Variants in FSTL4 observed in about 807,000 individuals in gnomAD.
FSTL4 encodes follistatin like 4, also known as follistatin-related protein 4.
Under a neutral mutation model 78.2 loss-of-function variants are expected in FSTL4, and 28 were observed. The observed-to-expected ratio is 0.36, with a 90% CI of 0.27 to 0.49. The LOEUF (loss-of-function observed/expected upper bound fraction) is 0.49. Among genes scored for constraint, FSTL4 ranks in the 20% least tolerant of loss-of-function variants. FSTL4 has a pLI of 0.98. For missense variants in FSTL4, 922 were observed against 1,084.9 expected, an observed-to-expected ratio of 0.85 and a Z score of 2.11; for synonymous variants, 422 against 440.5, an observed-to-expected ratio of 0.96 and a Z score of 0.53.
chr5:133,560,248 A>T (rs1054322579), intron 3 of FSTL4, among the ~76,000 whole-genome samples: 1 of 152,224 alleles, frequency 6.6e-6, no homozygotes, highest in Non-Finnish European at 1.5e-5. Flanking sequence ...GCTATCCACC[A>T]CAAGGTCCTG....
intron 4 of FSTL4, among the ~76,000 whole-genome samples, chr5:133,321,472 T>A (rs1310674006): frequency 6.6e-6 from 1 of 152,206 alleles, no homozygotes; most frequent in Non-Finnish European, 1.5e-5. Flanking sequence ...GGAAGGTCCC[T>A]GGGGTGTGTG....
intron 4 of FSTL4, among the ~76,000 whole-genome samples, chr5:133,374,173 C>T (rs1755380198): frequency 6.6e-6 from 1 of 152,242 alleles, no homozygotes; most frequent in Non-Finnish European, 1.5e-5. Flanking sequence ...CAACTGCCCA[C>T]ACTCAGACTT....
At chr5:133,303,182 TC>T (rs1038988261) in intron 6 of FSTL4, among the ~76,000 whole-genome samples, 1 of 152,238 alleles carries the variant, frequency 6.6e-6, no homozygotes, top group Non-Finnish European at 1.5e-5. Context: ...TCTCCTGCTC[TC>T]AGCCTGCCTT....
intron 3 of FSTL4, among the ~76,000 whole-genome samples, chr5:133,405,488 G>A (rs115830530): frequency 0.023 from 3,562 of 152,258 alleles, 61 homozygotes; most frequent in Non-Finnish European, 0.035. Flanking sequence ...TATCTTCCAG[G>A]TACTGACACA....
the FSTL4 span, among the ~76,000 whole-genome samples, chr5:133,733,277 A>G: frequency 6.6e-6 from 1 of 152,188 alleles, no homozygotes; most frequent in Admixed American, 6.5e-5. Flanking sequence ...CATGCTTGCA[A>G]TGTAGGTAGA....
At chr5:133,633,909 T>C in the FSTL4 span, among the ~76,000 whole-genome samples, 1 of 151,992 alleles carries the variant, frequency 6.6e-6, no homozygotes, top group Admixed American at 6.6e-5. Context: ...AATTCAATCT[T>C]CCTATTAGGC....
At chr5:133,305,272 G>A (rs1561664344) in intron 6 of FSTL4, among the ~76,000 whole-genome samples, 1 of 152,204 alleles carries the variant, frequency 6.6e-6, no homozygotes, top group African/African-American at 2.4e-5. Flanking sequence ...AGAGGCTGGG[G>A]AGGGTCCCCC....
the FSTL4 span, among the ~76,000 whole-genome samples, chr5:133,676,606 T>C: frequency 1.3e-5 from 2 of 152,360 alleles, no homozygotes; most frequent in East Asian, 1.9e-4. Context: ...AGTGCTAACA[T>C]TGCCAATTTT....
chr5:133,670,854 C>A, the FSTL4 span, among the ~76,000 whole-genome samples: 1 of 152,182 alleles, frequency 6.6e-6, no homozygotes, highest in Non-Finnish European at 1.5e-5. Context: ...AGAAGGCAGA[C>A]TGGTATACTG....
intron 3 of FSTL4, among the ~76,000 whole-genome samples, chr5:133,445,087 G>A (rs1009577120): frequency 4.6e-5 from 7 of 152,218 alleles, no homozygotes; most frequent in African/African-American, 1.7e-4. Context: ...CCTCTTGAAG[G>A]GTAAGGACTG....
intron 4 of FSTL4, 76 bp from the exon 5 acceptor site, chr5:133,316,728 T>C (rs1054143705): frequency 1.2e-5 from 15 of 1,233,656 alleles, no homozygotes; most frequent in Non-Finnish European, 1.7e-5. Flanking sequence ...GCTGGTCCAT[T>C]CATCTCACTC....
chr5:133,599,744 G>T (rs899982784), intron 2 of FSTL4, among the ~76,000 whole-genome samples: 3 of 152,116 alleles, frequency 2.0e-5, no homozygotes, highest in African/African-American at 7.2e-5. Context: ...AAAAGTGGGA[G>T]GCTCCCACCA....
chr5:133,652,738 C>G, the FSTL4 span, among the ~76,000 whole-genome samples: 33,178 of 152,118 alleles, frequency 0.22, 3,856 homozygotes, highest in Admixed American at 0.29. Context: ...TTCTTCAGCA[C>G]TGACTTTTTA....
At chr5:133,337,908 GT>G (rs1263805194) in intron 4 of FSTL4, among the ~76,000 whole-genome samples, 4 of 152,142 alleles carry the variant, frequency 2.6e-5, no homozygotes, top group African/African-American at 9.7e-5. Context: ...ATAGGATACT[GT>G]TTGAAGAAAT....
At chr5:133,224,715 A>G (rs1183580485) in intron 10 of FSTL4, among the ~76,000 whole-genome samples, 1 of 152,172 alleles carries the variant, frequency 6.6e-6, no homozygotes, top group African/African-American at 2.4e-5. Context: ...TTATGAGGAG[A>G]GCACGCTTAG....
At chr5:133,252,672 C>T (rs982060684) in intron 6 of FSTL4, among the ~76,000 whole-genome samples, 1 of 152,072 alleles carries the variant, frequency 6.6e-6, no homozygotes, top group Admixed American at 6.5e-5. Flanking sequence ...AGATACAAGG[C>T]TAGGAGCATG....
At chr5:133,429,928 C>T (rs1011605084) in intron 3 of FSTL4, among the ~76,000 whole-genome samples, 1 of 152,146 alleles carries the variant, frequency 6.6e-6, no homozygotes, top group Non-Finnish European at 1.5e-5. Context: ...TTCTTGTTTT[C>T]GCATCTCTAT....
intron 3 of FSTL4, among the ~76,000 whole-genome samples, chr5:133,405,241 G>A (rs2126975160): frequency 6.6e-6 from 1 of 152,320 alleles, no homozygotes; most frequent in Middle Eastern, 3.4e-3. Flanking sequence ...GTGATGGCTT[G>A]GCTCTGAGGA....
At chr5:133,591,280 G>T (rs934046247) in intron 2 of FSTL4, among the ~76,000 whole-genome samples, 9 of 152,204 alleles carry the variant, frequency 5.9e-5, no homozygotes. Flanking sequence ...ACAAGACAGG[G>T]AGAGGAAGGC....
Sources: gnomAD v4.1 joint callset for allele counts (sites outside exome capture counted in the v4.1 genomes callset) on GRCh38, gnomAD v4.1.1 for gene constraint, MANE v1.5 for transcripts, NCBI Gene and HGNC (gene_info 2026-07-23, HGNC 2026-07-21) for gene names.